The following ADARB1 variants were observed in gnomAD, a reference collection of about 807,000 sequenced individuals.
ADARB1 encodes the protein double-stranded RNA-specific editase 1.
ADARB1 carries 10 observed loss-of-function variants against 52.4 expected under a neutral mutation model. The observed-to-expected ratio is 0.19, with a 90% CI of 0.12 to 0.32. The LOEUF is 0.32. Ranked by LOEUF, ADARB1 falls within the 10% of genes least tolerant of loss-of-function variation. The probability of loss-of-function intolerance (pLI) is 1.00; values close to 1 mark genes in which losing one functional copy is unlikely to be tolerated. For missense variants in ADARB1, 643 were observed against 922.3 expected (o/e 0.70, Z 3.92); for synonymous variants, 349 against 371.1 (o/e 0.94, Z 0.68).
At chr21:45,210,965 C>T (rs1035025759) in intron 9 of ADARB1, among the ~76,000 whole-genome samples, 3 of 152,258 alleles carry the variant, frequency 2.0e-5, no homozygotes, top group Admixed American at 6.5e-5. Context: ...AGCTCTGAGG[C>T]TCCTTCCACA....
chr21:45,114,713 T>C (rs763581412), intron 1 of ADARB1, among the ~76,000 whole-genome samples: 2 of 152,264 alleles, frequency 1.3e-5, no homozygotes, highest in African/African-American at 2.4e-5. Context: ...CTAACATTTA[T>C]TGAGTTCTTC....
intron 1 of ADARB1, among the ~76,000 whole-genome samples, chr21:45,125,851 C>T (rs1156794050): frequency 6.6e-6 from 1 of 152,156 alleles, no homozygotes; most frequent in Non-Finnish European, 1.5e-5. Flanking sequence ...CTTACTAGTT[C>T]CCTTTTTCTG....
At chr21:45,133,964 C>T (rs1290122607) in intron 2 of ADARB1, among the ~76,000 whole-genome samples, 7 of 109,844 alleles carry the variant, frequency 6.4e-5, no homozygotes, top group African/African-American at 1.5e-4. Flanking sequence ...GTGGTGTGTG[C>T]GCCCGACGGG....
chr21:45,201,638 A>G (rs993483962), intron 8 of ADARB1, among the ~76,000 whole-genome samples: 1 of 152,192 alleles, frequency 6.6e-6, no homozygotes, highest in Non-Finnish European at 1.5e-5. Context: ...ATATTTATTG[A>G]TCTTCTGTAT....
chr21:45,132,208 T>C (rs771889339), intron 2 of ADARB1: 12 of 152,254 alleles, frequency 7.9e-5, no homozygotes, highest in Admixed American at 7.9e-4. Flanking sequence ...ATGACCCCTG[T>C]CACCAGGAAG....
chr21:45,195,349 A>C (rs1389090001), intron 8 of ADARB1, among the ~76,000 whole-genome samples: 2 of 152,134 alleles, frequency 1.3e-5, no homozygotes, highest in African/African-American at 4.8e-5. Flanking sequence ...ATTTTCTCCT[A>C]GTCTGTGGCT....
intron 1 of ADARB1, chr21:45,120,998 T>C (rs1310794104): frequency 6.6e-6 from 1 of 152,348 alleles, no homozygotes; most frequent in African/African-American, 2.4e-5. Flanking sequence ...CTACTGTCTT[T>C]TATATGTCCC....
In ADARB1 at chr21:45,176,812, C is replaced by T. The variant is rs533356888; in HGVS notation, c.963+148C>T. The T allele has an allele frequency of 2.0e-6, 2 of 977,958 alleles. No individual in the cohort carries two copies. The highest frequency in any genetic ancestry group is 2.9e-6 in the Non-Finnish European group (2 of 683,840). The allele number at this position is 977,958 out of a possible 1,614,324, so 60.6% of individuals were successfully genotyped here. A position where few individuals can be genotyped will look rare whatever the true frequency, so the allele number is the denominator to read the frequency against. On this transcript the variant is annotated intron_variant, in intron 4 of 10. Coordinates refer to ENST00000348831, the MANE Select transcript of ADARB1 (RefSeq NM_001112.4). The surrounding 1 kb of genome is among the most constrained non-coding windows in gnomAD (Gnocchi z 5.8). ...GAGGAGTTACTGGTAAGTCTGGCTG[C>T]TTGATTTCCATGGCCATGTGGCCAC...
intron 2 of ADARB1, among the ~76,000 whole-genome samples, chr21:45,135,744 GA>G (rs138682865): frequency 6.6e-6 from 1 of 151,942 alleles, no homozygotes; most frequent in African/African-American, 2.4e-5. Flanking sequence ...AGAAAAATTG[GA>G]AAAAAAACAT....
At chr21:45,074,971 C>T (rs1255838436) in intron 1 of ADARB1, among the ~76,000 whole-genome samples, 178 bp downstream of exon 1, 7 of 151,008 alleles carry the variant, frequency 4.6e-5, no homozygotes, top group Non-Finnish European at 8.9e-5. Context: ...TCGCACCCAC[C>T]CTCCTGGGTC....
At chr21:45,144,122 T>G (rs2089888936) in intron 2 of ADARB1, among the ~76,000 whole-genome samples, 1 of 152,250 alleles carries the variant, frequency 6.6e-6, no homozygotes, top group Non-Finnish European at 1.5e-5. Flanking sequence ...TCTGAGGTAC[T>G]TTAATATTAC....
chr21:45,093,980 G>T (rs1178102037), intron 1 of ADARB1, among the ~76,000 whole-genome samples: 1 of 152,156 alleles, frequency 6.6e-6, no homozygotes, highest in East Asian at 1.9e-4. Flanking sequence ...GTCATTGATT[G>T]AGGTGATTGT....
chr21:45,166,385 C>T (rs577144798), intron 2 of ADARB1, among the ~76,000 whole-genome samples: 73 of 152,264 alleles, frequency 4.8e-4, no homozygotes, highest in African/African-American at 1.7e-3. Flanking sequence ...TTGTTTGATC[C>T]AGCTTGATCT....
chr21:45,166,454 T>C (rs2091259647), intron 2 of ADARB1, among the ~76,000 whole-genome samples: 1 of 152,332 alleles, frequency 6.6e-6, no homozygotes, highest in African/African-American at 2.4e-5. Context: ...AGCATGTTCA[T>C]ATGTCCCTGA....
chr21:45,224,812 A>T lies in ADARB1; in HGVS notation c.*2615A>T. The T allele has an allele frequency of 6.1e-6, 6 of 985,020 alleles. No homozygotes were observed. Among genetic ancestry groups the T allele is most frequent in the Non-Finnish European group, 7.2e-6 (6 of 829,806 alleles). The allele number at this position is 985,020 out of a possible 1,614,324, so 61.0% of individuals were successfully genotyped here. A position where few individuals can be genotyped will look rare whatever the true frequency, so the allele number is the denominator to read the frequency against. ...GGACAGCTCATCTGTAATCAGAAAA[A>T]AAATAAACAAAATACAGAACGCTGA... On this transcript the variant is annotated 3_prime_UTR_variant, in exon 11 of 11. Coordinates refer to ENST00000348831, the MANE Select transcript of ADARB1 (RefSeq NM_001112.4).
chr21:45,188,772 C>G (rs773082057), intron 8 of ADARB1, among the ~76,000 whole-genome samples: 6 of 152,166 alleles, frequency 3.9e-5, no homozygotes, highest in Admixed American at 6.6e-5. Context: ...TATTCTCTTA[C>G]TGCCTTCCTT....
At chr21:45,147,725 G>A (rs574627207) in intron 2 of ADARB1, among the ~76,000 whole-genome samples, 24 of 152,308 alleles carry the variant, frequency 1.6e-4, no homozygotes, top group East Asian at 1.9e-4. Flanking sequence ...GTTGCTCAGC[G>A]CGTTCTGCAG....
rs564679342 is a variant in ADARB1, at chr21:45,132,020, G to T, written c.-48+3447G>T. On this transcript the variant is annotated intron_variant, in intron 2 of 10. Transcript: ENST00000348831. ...CATTATTGTAAGGATGCTAATTCTG[G>T]ATCCTCAGATATTGTGACAAAAACT... Among the ~76,000 whole-genome samples, 17 of 152,322 alleles carry T rather than the reference G, an allele frequency of 1.1e-4. 1 individual carries two copies. In the South Asian group the frequency reaches 2.9e-3, roughly 26 times the overall value.
At position 45,136,172 on chromosome 21, in the gene ADARB1, C is replaced by T. The variant is rs184524107; in HGVS notation, c.-48+7599C>T. ...TTGGTGGCCAGCTGCTGTGAGGACT[C>T]GCTCTCTTAGGACAGGTCCACTGTC... On this transcript the variant is annotated intron_variant, in intron 2 of 10. Coordinates refer to ENST00000348831, the MANE Select transcript of ADARB1 (RefSeq NM_001112.4). 7.6e-4 allele frequency among the ~76,000 whole-genome samples: 115 copies of T among 152,258 alleles called. No individual in the cohort carries two copies. The East Asian group carries it at 0.011, about 15-fold the overall frequency.
Sources: gnomAD v4.1 joint callset for allele counts (sites outside exome capture counted in the v4.1 genomes callset) on GRCh38, gnomAD v4.1.1 for gene constraint, Gnocchi (gnomAD v3.1) non-coding constraint, MANE v1.5 for transcripts, NCBI Gene and HGNC (gene_info 2026-07-23, HGNC 2026-07-21) for gene names.